Variants in FCRLB observed in about 807,000 individuals in gnomAD.
The protein encoded by FCRLB is Fc receptor-like B.
A neutral mutation model predicts 33.6 loss-of-function variants in FCRLB; 34 were observed. The observed-to-expected ratio is 1.01, with a 90% CI of 0.77 to 1.35. The LOEUF (loss-of-function observed/expected upper bound fraction) is 1.35, where lower values mean the gene tolerates loss of function less well. Among genes scored for constraint, FCRLB ranks in the 40% most tolerant of loss-of-function variants. The pLI, the probability that FCRLB is intolerant of heterozygous loss-of-function variation, is 0.00. For synonymous variants in FCRLB, 280 were observed against 255.9 expected (o/e 1.09, Z -0.90); for missense variants, 560 against 580.2 (o/e 0.97, Z 0.36).
At chr1:161,724,236 T>A (rs1274523596) in intron 5 of FCRLB, among the ~76,000 whole-genome samples, 1 of 152,134 alleles carries the variant, frequency 6.6e-6, no homozygotes, top group Non-Finnish European at 1.5e-5. Flanking sequence ...AGAAACTGAT[T>A]CTCGAGATGC....
chr1:161,722,679 C>T (rs1455292277), exon 3 of FCRLB: 2 of 1,614,136 alleles, frequency 1.2e-6, no homozygotes, highest in Admixed American at 3.3e-5. Flanking sequence ...CATCATGTGG[C>T]CACTGACAGC....
chr1:161,723,977 A>T (rs746266919), intron 5 of FCRLB, among the ~76,000 whole-genome samples: 1 of 152,198 alleles, frequency 6.6e-6, no homozygotes, highest in Non-Finnish European at 1.5e-5. Flanking sequence ...TTCACCAAAC[A>T]GGAAAGGTGA....
chr1:161,726,898 C>T lies in FCRLB; in HGVS notation c.770C>T (p.Pro257Leu). ...GGCGCCGAGTACACAGTCCCGGAGCCCGAGGTCGAGGAGCTCGAATCGTAC... is the reference window on the plus strand; with the variant it reads ...GGCGCCGAGTACACAGTCCCGGAGCTCGAGGTCGAGGAGCTCGAATCGTAC... Residue 257 changes from proline to leucine, a missense_variant, in exon 7 of 8, where the codon CCC (proline) becomes CTC (leucine). Physicochemically the swap from Pro to Leu is moderately conservative, Grantham distance 98. Transcript: ENST00000367948. This position sits in a 1 kb window ranked among gnomAD's most constrained non-coding sequence, Gnocchi z 5.2. 1.3e-6 allele frequency: 2 copies of T among 1,588,310 alleles called. No individual in the cohort carries two copies. Among genetic ancestry groups the T allele is most frequent in the Non-Finnish European group, 1.7e-6 (2 of 1,166,850 alleles).
Position 161,727,692 on chromosome 1 carries a change from C to T in FCRLB, c.*30C>T, listed in dbSNP as rs764939201. The T allele has an allele frequency of 1.8e-5, 28 of 1,550,178 alleles. No individual in the cohort carries two copies. The East Asian group carries it at 5.7e-4, about 32-fold the overall frequency. On this transcript the variant is annotated 3_prime_UTR_variant, in exon 8 of 8. Coordinates refer to ENST00000367948, the Ensembl canonical transcript of FCRLB. Reference sequence around the variant, plus strand: ...GCGGCTACCGTCCCCTCTGCAGGCTCATTCCTCCTTGGTCTCCTGCTTCCC... The same window carrying T: ...GCGGCTACCGTCCCCTCTGCAGGCTTATTCCTCCTTGGTCTCCTGCTTCCC...
chr1:161,722,764 T>G, intron 3 of FCRLB, 61 bp downstream of exon 3: 2 of 1,599,230 alleles, frequency 1.3e-6, no homozygotes, highest in Non-Finnish European at 1.7e-6. Context: ...TGGACCAAGG[T>G]ATGGGGAGAG....
exon 8 of FCRLB, chr1:161,727,365 C>G: frequency 6.2e-7 from 1 of 1,613,750 alleles, no homozygotes; most frequent in South Asian, 1.1e-5. Context: ...TCCCGTTGGT[C>G]ACCTCCGTCC....
exon 6 of FCRLB, chr1:161,725,961 A>G: frequency 6.2e-7 from 1 of 1,607,490 alleles, no homozygotes; most frequent in Non-Finnish European, 8.5e-7. Flanking sequence ...CTTCCACTCC[A>G]GCGCCAACTA....
rs760878736 is a variant in FCRLB, at chr1:161,726,529, G to T, written c.575-174G>T. On this transcript the variant is annotated intron_variant, in intron 6 of 7. Coordinates refer to ENST00000367948, the Ensembl canonical transcript of FCRLB. The surrounding 1 kb of genome is among the most constrained non-coding windows in gnomAD (Gnocchi z 5.2). ...GCTTTCCCCGTCCCTCGTGGACTCG[G>T]TCCCCCTGCCCCACATTTCAGAAGG... 6 of 937,260 alleles carry T rather than the reference G, an allele frequency of 6.4e-6. No individual in the cohort carries two copies. The African/African-American group carries it at 9.8e-5, about 15-fold the overall frequency. 58.1% of individuals were successfully genotyped at this position (937,260 alleles called of 1,614,324 possible).
chr1:161,722,315 T>C (rs1236642192), intron 2 of FCRLB, among the ~76,000 whole-genome samples: 3 of 152,098 alleles, frequency 2.0e-5, no homozygotes, highest in African/African-American at 4.8e-5. Flanking sequence ...GAGTGGGATG[T>C]CAATGGGAGC....
intron 2 of FCRLB, among the ~76,000 whole-genome samples, chr1:161,722,139 G>A (rs1253035642): frequency 6.6e-6 from 1 of 152,192 alleles, no homozygotes; most frequent in Non-Finnish European, 1.5e-5. Flanking sequence ...CATTGTGGCA[G>A]GATGTGAGCT....
intron 5 of FCRLB, among the ~76,000 whole-genome samples, chr1:161,724,163 T>A (rs1683466106): frequency 6.6e-6 from 1 of 152,174 alleles, no homozygotes; most frequent in African/African-American, 2.4e-5. Context: ...AAGCAGCAAT[T>A]GAACTGAGCA....
chr1:161,721,691 C>G (rs967136711), intron 1 of FCRLB, 30 bp downstream of exon 1: 1 of 152,198 alleles, frequency 6.6e-6, no homozygotes, highest in Non-Finnish European at 1.5e-5. Context: ...CAAGGAGACA[C>G]ACTATCAGGC....
chr1:161,722,574 AG>A (rs1557930493), intron 2 of FCRLB, 78 bp from the exon 3 acceptor site: 29 of 1,369,470 alleles, frequency 2.1e-5, no homozygotes, highest in Non-Finnish European at 3.0e-5. Context: ...AATGTCTCCT[AG>A]TACTCAGTGG....
rs751459005 is a variant in FCRLB at position 161,726,632 on chromosome 1, G to A, written c.575-71G>A. 1 of 1,540,942 alleles carries A rather than the reference G, an allele frequency of 6.5e-7. No individual in the cohort carries two copies. The highest frequency in any genetic ancestry group is 1.4e-5 in the African/African-American group (1 of 73,558). ...CTGTGGGTCTGCAAGGAGCCCTCGC[G>A]GGAAGCAGGAAGGAGCGGGGTCGCG... On this transcript the variant is annotated intron_variant, in intron 6 of 7. Transcript: ENST00000367948. This position sits in a 1 kb window ranked among gnomAD's most constrained non-coding sequence, Gnocchi z 5.2.
exon 8 of FCRLB, chr1:161,727,393 G>A (rs1245194635): frequency 1.2e-6 from 2 of 1,613,352 alleles, no homozygotes; most frequent in Non-Finnish European, 1.7e-6. Flanking sequence ...CACCTCCACC[G>A]GGCTGCAGTT....
intron 4 of FCRLB, 127 bp from the exon 5 acceptor site, chr1:161,723,240 T>C (rs1683432599): frequency 3.3e-6 from 4 of 1,210,110 alleles, no homozygotes; most frequent in Non-Finnish European, 3.5e-6. Context: ...CAGGGATGGG[T>C]TAGTACATGG....
At chr1:161,727,478 C>T in exon 8 of FCRLB, 2 of 1,614,202 alleles carry the variant, frequency 1.2e-6, no homozygotes, top group Non-Finnish European at 1.7e-6. Context: ...TCGGCTGGAG[C>T]CCTGAAACCC....
At chr1:161,725,852 A>G in exon 6 of FCRLB, 1 of 1,613,326 alleles carries the variant, frequency 6.2e-7, no homozygotes, top group Non-Finnish European at 8.5e-7. Context: ...CCTATGCGCC[A>G]GTGTTCGAGG....
In FCRLB at chr1:161,726,793, G is replaced by T; in HGVS notation, c.665G>T (p.Arg222Leu). Residue 222 changes from arginine to leucine, a missense_variant, in exon 7 of 8, where the codon CGC becomes CTC. Physicochemically the swap from Arg to Leu is moderately radical, Grantham distance 102. Coordinates refer to ENST00000367948, the Ensembl canonical transcript of FCRLB. This position sits in a 1 kb window ranked among gnomAD's most constrained non-coding sequence, Gnocchi z 5.2. The stretch of plus-strand genomic sequence containing the variant: ...GGGGTGGTGCTGCGCTGCGACACGC[G>T]CCTGCACCCGCAGAAGCGCGACACG... The T allele has an allele frequency of 6.4e-7, 1 of 1,564,100 alleles. No homozygotes were observed.
Sources: gnomAD v4.1 joint callset for allele counts (sites outside exome capture counted in the v4.1 genomes callset) on GRCh38, gnomAD v4.1.1 for gene constraint, Gnocchi (gnomAD v3.1) non-coding constraint, MANE v1.5 for transcripts, NCBI Gene and HGNC (gene_info 2026-07-23, HGNC 2026-07-21) for gene names.